The following PLK2 variants were observed in gnomAD, a reference collection of about 807,000 sequenced individuals.
PLK2 encodes the protein polo like kinase 2.
Under a neutral mutation model 78.1 loss-of-function variants are expected in PLK2, and 25 were observed. That is an observed-to-expected ratio of 0.32 (90% CI 0.23 to 0.45). The LOEUF is 0.45. PLK2 is among the 20% of genes least tolerant of loss of function. PLK2 has a pLI of 1.00. For synonymous variants in PLK2, 332 were observed against 298.2 expected (o/e 1.11, Z -1.17); for missense variants, 566 against 840.2 (o/e 0.67, Z 4.04).
chr5:58,455,406 T>C lies in PLK2; in HGVS notation c.1634A>G (p.His545Arg). ...GCATTGGCCAAGCTCTGCGTAATAGTGAACTGTTCTATAAAAACAGGAACG... is the reference window on the plus strand; with the variant it reads ...GCATTGGCCAAGCTCTGCGTAATAGCGAACTGTTCTATAAAAACAGGAACG... ...MSLLPDKKTV[H>R]YYAELGQCSV... Residue 545 changes from histidine (H) to arginine (R), a missense_variant, in exon 12 of 14, where the codon CAC becomes CGC. Physicochemically the swap from His to Arg is conservative, Grantham distance 29 (BLOSUM62 0). Transcript: ENST00000274289. The C allele has an allele frequency of 6.2e-7, 1 of 1,613,846 alleles. No individual in the cohort carries two copies. Among genetic ancestry groups the C allele is most frequent in the South Asian group, 1.1e-5 (1 of 91,070 alleles).
Position 58,456,544 on chromosome 5 carries a change from T to C in PLK2, c.1202A>G (p.Asp401Gly), listed in dbSNP as rs1245544149. 2 of 1,612,344 alleles carry C rather than the reference T, an allele frequency of 1.2e-6. No homozygotes were observed. Among genetic ancestry groups the C allele is most frequent in the Non-Finnish European group, 1.7e-6 (2 of 1,178,532 alleles). The change falls in exon 9 of 14, where the codon GAT becomes GGT. Residue 401 changes from aspartate to glycine, a missense_variant. By Grantham distance (94) the Asp-to-Gly change is moderately conservative. This residue lies in a region of PLK2 where 129 missense variants were observed against 156.0 expected (regional missense o/e 0.83). Transcript: ENST00000274289. ...CTGAGTTATTGAAGTCTTTTTCAAATCATGCCTAAGCTTGTAGATGTCTTC... is the reference window on the plus strand; with the variant it reads ...CTGAGTTATTGAAGTCTTTTTCAAACCATGCCTAAGCTTGTAGATGTCTTC... ...EDEDIYKLRH[D>G]LKKTSITQQP... is the part of the protein sequence containing the mutation.
At chr5:58,459,224 G>C in intron 1 of PLK2, 132 bp from the exon 2 acceptor site, 1 of 629,746 alleles carries the variant, frequency 1.6e-6, no homozygotes, top group Non-Finnish European at 2.8e-6. Flanking sequence ...AGGGTGGACA[G>C]AGGGAGGCAT....
chr5:58,458,101 G>C lies in PLK2; in HGVS notation c.696C>G (p.Pro232=). ...ACTCTTACCTCCTTCTGTGTTCCAA[G>C]GGTTCTAGCCTGGCTGCCAGACCGA... ...GDFGLAARLE[P]LEHRRRTICG... is the part of the protein sequence containing the mutation. The change falls in exon 5 of 14, where the codon CCC becomes CCG. Residue 232 remains proline, a synonymous_variant. Coordinates refer to ENST00000274289, the MANE Select transcript of PLK2 (RefSeq NM_006622.4). The C allele has an allele frequency of 6.2e-7, 1 of 1,612,436 alleles. No individual in the cohort carries two copies. Among genetic ancestry groups the C allele is most frequent in the South Asian group, 1.1e-5 (1 of 91,052 alleles).
Position 58,456,956 on chromosome 5 carries a change from A to G in PLK2, c.1145T>C (p.Ile382Thr), listed in dbSNP as rs544416868. The stretch of plus-strand genomic sequence containing the variant: ...TCTTGTTAACTTACTATGTGTGTCA[A>G]TATATCTTGCTTTGTCTTTTTTGCC... ...FGGKKDKARYIDTHNRVSKED... is the reference protein window; with the variant it reads ...FGGKKDKARYTDTHNRVSKED... The change falls in exon 8 of 14, where the codon ATT becomes ACT. Residue 382 changes from isoleucine (I) to threonine (T), a missense_variant. Physicochemically the swap from Ile to Thr is moderately conservative, Grantham distance 89. Coordinates refer to ENST00000274289, the MANE Select transcript of PLK2 (RefSeq NM_006622.4). The G allele has an allele frequency of 1.6e-4, 249 of 1,604,342 alleles. 2 individuals are homozygous for G. In the South Asian group the frequency reaches 2.7e-3, roughly 17 times the overall value.
Position 58,459,971 on chromosome 5 carries a change from C to A in PLK2, c.-12G>T. 6.3e-7 allele frequency: 1 copy of A among 1,580,364 alleles called. No homozygotes were observed. Among genetic ancestry groups the A allele is most frequent in the Non-Finnish European group, 8.6e-7 (1 of 1,162,298 alleles). On this transcript the variant is annotated 5_prime_UTR_variant, in exon 1 of 14. Transcript: ENST00000274289. ...CGCAAAAGCTCCATGGTCGCCTTGC[C>A]GCCCCGCACTGCCCGCTGCCACCCC...
At position 58,458,800 on chromosome 5, in the gene PLK2, C is replaced by T. The variant is rs1255343272; in HGVS notation, c.420G>A (p.Lys140=). 1.9e-6 allele frequency: 3 copies of T among 1,606,566 alleles called. No homozygotes were observed. Among genetic ancestry groups the T allele is most frequent in the East Asian group, 4.5e-5 (2 of 44,828 alleles). Residue 140 remains lysine, a synonymous_variant, in exon 3 of 14, where the codon AAG becomes AAA. Transcript: ENST00000274289. ...AGTAGTGGTAAAACTGCACTACATG[C>T]TTATGATGAAGAATTCTGTGAAGCT... ...EIELHRILHH[K]HVVQFYHYFE... is the part of the protein sequence containing the mutation.
intron 9 of PLK2, 148 bp downstream of exon 9, chr5:58,456,338 CTTTTAG>C: frequency 7.8e-6 from 6 of 765,336 alleles, no homozygotes; most frequent in Non-Finnish European, 1.3e-5. Context: ...AAAAGACTTC[CTTTTAG>C]TTTTAACTTC....
chr5:58,458,807 TGAA>T lies in PLK2; in HGVS notation c.410_412del (p.Leu137del). 1 of 1,604,188 alleles carries T rather than the reference TGAA, an allele frequency of 6.2e-7. No homozygotes were observed. Among genetic ancestry groups the T allele is most frequent in the Non-Finnish European group, 8.5e-7 (1 of 1,171,028 alleles). On this transcript the variant is annotated inframe_deletion, in exon 3 of 14. Transcript: ENST00000274289. ...GTAAAACTGCACTACATGCTTATGATGAAGAATTCTGTGAAGCTCTATTTCTTT... is the reference window on the plus strand; with the variant it reads ...GTAAAACTGCACTACATGCTTATGATGAATTCTGTGAAGCTCTATTTCTTT...
In PLK2 at chr5:58,459,985, C is replaced by T. The variant is rs762423057; in HGVS notation, c.-26G>A. The T allele has an allele frequency of 6.4e-7, 1 of 1,560,756 alleles. No individual in the cohort carries two copies. The highest frequency in any genetic ancestry group is 8.7e-7 in the Non-Finnish European group (1 of 1,153,148). On this transcript the variant is annotated 5_prime_UTR_variant, in exon 1 of 14. Transcript: ENST00000274289. ...GGTCGCCTTGCCGCCCCGCACTGCC[C>T]GCTGCCACCCCCTAGGCGCGGTCAC...
intron 9 of PLK2, 33 bp downstream of exon 9, chr5:58,456,459 C>A: frequency 8.3e-7 from 1 of 1,198,544 alleles, no homozygotes; most frequent in Admixed American, 1.8e-5. Flanking sequence ...TAACGTAAAG[C>A]GTGAGTATCT....
intron 5 of PLK2, 24 bp from the exon 6 acceptor site, chr5:58,457,607 C>T (rs200539173): frequency 1.5e-5 from 21 of 1,380,484 alleles, no homozygotes; most frequent in East Asian, 2.3e-5. Context: ...ATATTGAGAT[C>T]GTGTTAGGAA....
rs1743668247 is a variant in PLK2 at position 58,458,473 on chromosome 5, T to C, written c.551A>G (p.Tyr184Cys). The C allele has an allele frequency of 6.2e-7, 1 of 1,611,498 alleles. No homozygotes were observed. Among genetic ancestry groups the C allele is most frequent in the Non-Finnish European group, 8.5e-7 (1 of 1,177,606 alleles). Reference sequence around the variant, plus strand: ...TCCAGACACAATCTGCCTGAGGTAGTATCGAACTTCTGGCTCTGTCAACAC... The same window carrying C: ...TCCAGACACAATCTGCCTGAGGTAGCATCGAACTTCTGGCTCTGTCAACAC... Reference protein sequence around the residue: ...RKVLTEPEVRYYLRQIVSGLK... With the variant: ...RKVLTEPEVRCYLRQIVSGLK... The change falls in exon 4 of 14, where the codon TAC becomes TGC. Residue 184 changes from tyrosine to cysteine, a missense_variant. Around this residue, in one of 5 missense-constraint regions of PLK2, gnomAD observed 179 missense variants for 342.3 expected, o/e 0.52. Coordinates refer to ENST00000274289, the MANE Select transcript of PLK2 (RefSeq NM_006622.4).
intron 4 of PLK2, 93 bp downstream of exon 4, chr5:58,458,306 A>G (rs887353271): frequency 2.6e-5 from 37 of 1,422,382 alleles, no homozygotes; most frequent in Non-Finnish European, 3.2e-5. Context: ...TGCAGACACG[A>G]GATCCCAATT....
Position 58,458,541 on chromosome 5 carries a change from G to A in PLK2, c.496-13C>T, listed in dbSNP as rs1220999938. The A allele has an allele frequency of 8.1e-6, 13 of 1,596,654 alleles. No homozygotes were observed. The highest frequency in any genetic ancestry group is 8.1e-5 in the African/African-American group (6 of 73,768). On this transcript the variant is annotated splice_polypyrimidine_tract_variant and intron_variant, in intron 3 of 13. Coordinates refer to ENST00000274289, the MANE Select transcript of PLK2 (RefSeq NM_006622.4). ...TATGAGCCATTGACTAAGAAGAGGA[G>A]AAGGAAAAAAGAGAATCTGTCAAAA... is the stretch of plus-strand genomic sequence containing the variant.
rs752408576 is a variant in PLK2 at position 58,460,001 on chromosome 5, G to A, written c.-42C>T. 2 of 1,541,194 alleles carry A rather than the reference G, an allele frequency of 1.3e-6. No homozygotes were observed. The highest frequency in any genetic ancestry group is 1.2e-5 in the South Asian group (1 of 81,612). The stretch of plus-strand genomic sequence containing the variant: ...CGCACTGCCCGCTGCCACCCCCTAG[G>A]CGCGGTCACACGTCCGAGCCGGCCG... On this transcript the variant is annotated 5_prime_UTR_variant, in exon 1 of 14. Transcript: ENST00000274289.
chr5:58,455,977 A>G (rs1264934324), intron 10 of PLK2, 49 bp downstream of exon 10: 1 of 1,582,700 alleles, frequency 6.3e-7, no homozygotes, highest in African/African-American at 1.4e-5. Flanking sequence ...TGTATTTAGC[A>G]CTGGCATTTC....
At position 58,456,093 on chromosome 5, in the gene PLK2, C is replaced by T. The variant is rs747896942; in HGVS notation, c.1317G>A (p.Gln439=). 1 of 1,613,878 alleles carries T rather than the reference C, an allele frequency of 6.2e-7. No homozygotes were observed. Among genetic ancestry groups the T allele is most frequent in the Non-Finnish European group, 8.5e-7 (1 of 1,179,912 alleles). Residue 439 remains glutamine (Q), a synonymous_variant, in exon 10 of 14, where the codon CAG becomes CAA. Transcript: ENST00000274289. The stretch of plus-strand genomic sequence containing the variant: ...TCATCCGAATAGCATCCCCAATCTG[C>T]TGCTTGTTTTCTACTGCGGGTGTTC... ...RSGTPAVENK[Q]QIGDAIRMIV...
intron 8 of PLK2, 139 bp downstream of exon 8, chr5:58,456,806 T>C: frequency 3.1e-6 from 2 of 647,596 alleles, no homozygotes; most frequent in Non-Finnish European, 5.2e-6. Context: ...GGTATGGATT[T>C]ATTATGCTAT....
In PLK2 at chr5:58,454,356, G is replaced by A. The variant is rs973840111; in HGVS notation, c.*227C>T. ...ATTGTCTGAAAAACCTTTTAAAACA[G>A]GTATCTCAAGGAAAACTGCATTCTG... On this transcript the variant is annotated 3_prime_UTR_variant, in exon 14 of 14. Transcript: ENST00000274289. The A allele has an allele frequency of 1.2e-5, 5 of 410,112 alleles. No homozygotes were observed. The highest frequency in any genetic ancestry group is 4.1e-5 in the African/African-American group (2 of 49,258). The allele number at this position is 410,112 out of a possible 1,614,324, so 25.4% of individuals were successfully genotyped here.
Sources: gnomAD v4.1 joint callset for allele counts on GRCh38, gnomAD v4.1.1 for gene constraint, gnomAD v4.1.1 regional missense constraint, MANE v1.5 for transcripts, NCBI Gene and HGNC (gene_info 2026-07-23, HGNC 2026-07-21) for gene names.